SDK1: variants seen among roughly 807,000 people sequenced by gnomAD.
The protein encoded by SDK1 is sidekick cell adhesion molecule 1.
SDK1 carries 157 observed loss-of-function variants against 245.5 expected under a neutral mutation model. The ratio of observed to expected loss-of-function variants is 0.64; its 90% CI spans 0.56 to 0.73. The LOEUF (loss-of-function observed/expected upper bound fraction) is 0.73, where lower values mean the gene tolerates loss of function less well. Among genes scored for constraint, SDK1 ranks in the 30% least tolerant of loss-of-function variants. SDK1 has a pLI of 0.00. For missense variants in SDK1, 3,583 were observed against 3,002.3 expected (o/e 1.19, Z -4.52); for synonymous variants, 1,647 against 1,278.5 (o/e 1.29, Z -6.15).
At chr7:3,932,387 T>C (rs1179101152) in intron 5 of SDK1, among the ~76,000 whole-genome samples, 1 of 152,212 alleles carries the variant, frequency 6.6e-6, no homozygotes, top group African/African-American at 2.4e-5. Context: ...GATGAGATTG[T>C]GTTGACATTT....
intron 1 of SDK1, among the ~76,000 whole-genome samples, chr7:3,510,968 A>G (rs117853196): frequency 0.014 from 2,192 of 152,350 alleles, 28 homozygotes; most frequent in South Asian, 0.034. Context: ...ATGAGATCAA[A>G]CAGCAAAGAA....
rs1029863887 is a variant in SDK1 at position 3,744,233 on chromosome 7, C to T, written c.714-77217C>T. 8.6e-5 allele frequency among the ~76,000 whole-genome samples: 13 copies of T among 151,886 alleles called. 1 individual carries two copies. The highest frequency in any genetic ancestry group is 8.5e-4 in the Admixed American group (13 of 15,256). The stretch of plus-strand genomic sequence containing the variant: ...AAAGGTCCTCTTCATCCAAAATAGC[C>T]CCCCTCCCCCCATCTCTCCAATTAC... On this transcript the variant is annotated intron_variant, in intron 4 of 44. Coordinates refer to ENST00000404826, the MANE Select transcript of SDK1 (RefSeq NM_152744.4).
chr7:4,229,967 C>T, intron 40 of SDK1, among the ~76,000 whole-genome samples: 1 of 143,774 alleles, frequency 7.0e-6, no homozygotes, highest in Non-Finnish European at 1.5e-5. Flanking sequence ...GGGGGTGGGA[C>T]AGATGGGTGG....
chr7:4,215,072 G>A (rs1042257830), intron 38 of SDK1, among the ~76,000 whole-genome samples: 5 of 152,120 alleles, frequency 3.3e-5, no homozygotes, highest in African/African-American at 9.7e-5. Context: ...CCTGGCGCTC[G>A]CCTGCCTCCC....
At chr7:3,491,497 A>G (rs1027199702) in intron 1 of SDK1, among the ~76,000 whole-genome samples, 1 of 152,254 alleles carries the variant, frequency 6.6e-6, no homozygotes, top group Non-Finnish European at 1.5e-5. Context: ...AATTGCCTAT[A>G]AAATGAATTA....
chr7:4,126,734 C>T (rs796136873), intron 25 of SDK1, among the ~76,000 whole-genome samples: 11 of 152,278 alleles, frequency 7.2e-5, no homozygotes, highest in East Asian at 1.9e-4. Context: ...GTGTATGGGT[C>T]GAGAATGGCA....
At chr7:4,069,494 G>A (rs537095169) in intron 20 of SDK1, among the ~76,000 whole-genome samples, 3 of 152,350 alleles carry the variant, frequency 2.0e-5, no homozygotes, top group South Asian at 4.1e-4. Flanking sequence ...CCGTCCTGAC[G>A]CGAGCGGTCA....
Position 4,078,679 on chromosome 7 carries a change from A to G in SDK1, c.3203-784A>G, listed in dbSNP as rs191586665. ...CTAGAGTATTTTGCATGGCACAGTA[A>G]CACGAAAGCTCTCGTTTTGAACTCA... On this transcript the variant is annotated intron_variant, in intron 21 of 44. Coordinates refer to ENST00000404826, the MANE Select transcript of SDK1 (RefSeq NM_152744.4). 5.0e-4 allele frequency among the ~76,000 whole-genome samples: 76 copies of G among 152,230 alleles called. 2 individuals carry two copies. The East Asian group carries it at 0.011, about 22-fold the overall frequency.
chr7:3,414,104 T>C (rs1779293000), intron 1 of SDK1, among the ~76,000 whole-genome samples: 1 of 152,110 alleles, frequency 6.6e-6, no homozygotes, highest in Admixed American at 6.5e-5. Context: ...TTGGAAGACA[T>C]ATTTTTGCAG....
intron 5 of SDK1, among the ~76,000 whole-genome samples, chr7:3,827,964 C>T (rs1779817701): frequency 1.3e-5 from 2 of 152,192 alleles, no homozygotes; most frequent in Admixed American, 6.5e-5. Flanking sequence ...GAACAAAGCA[C>T]GTCTGTCCTA....
chr7:3,912,779 C>G (rs188814560), intron 5 of SDK1, among the ~76,000 whole-genome samples: 1 of 152,320 alleles, frequency 6.6e-6, no homozygotes, highest in Admixed American at 6.5e-5. Context: ...AGGAAGGAGA[C>G]CTAAGGGACT....
chr7:3,382,761 C>A (rs1456179394), intron 1 of SDK1, among the ~76,000 whole-genome samples: 4 of 152,152 alleles, frequency 2.6e-5, no homozygotes, highest in Non-Finnish European at 5.9e-5. Context: ...CATTACACAT[C>A]TAGTGTCTCA....
At chr7:3,831,390 A>G (rs1180697138) in intron 5 of SDK1, among the ~76,000 whole-genome samples, 1 of 152,164 alleles carries the variant, frequency 6.6e-6, no homozygotes, top group Non-Finnish European at 1.5e-5. Flanking sequence ...CAGTATTCTG[A>G]AGCTGCTAAT....
chr7:4,135,440 A>G (rs567753353), intron 28 of SDK1, among the ~76,000 whole-genome samples: 41 of 152,350 alleles, frequency 2.7e-4, no homozygotes, highest in Non-Finnish European at 5.6e-4. Context: ...GGAGAAACGT[A>G]CAAGGATGTT....
At chr7:3,636,084 A>G (rs1782450452) in intron 2 of SDK1, among the ~76,000 whole-genome samples, 1 of 152,242 alleles carries the variant, frequency 6.6e-6, no homozygotes, top group African/African-American at 2.4e-5. Flanking sequence ...AAAAAGCTGT[A>G]CATATCTAAT....
chr7:3,785,509 T>C lies in SDK1; in HGVS notation c.714-35941T>C, dbSNP rs540809124. On this transcript the variant is annotated intron_variant, in intron 4 of 44. Transcript: ENST00000404826. Reference sequence around the variant, plus strand: ...CAATTAAAAAGTATTTTCAAAGATTTTAAAAAGTGGAGGCTGGACTGCTTA... The same window carrying C: ...CAATTAAAAAGTATTTTCAAAGATTCTAAAAAGTGGAGGCTGGACTGCTTA... Among the ~76,000 whole-genome samples the C allele has an allele frequency of 8.5e-5, 13 of 152,268 alleles. No homozygotes were observed. In the South Asian group the frequency reaches 2.5e-3, roughly 29 times the overall value.
intron 28 of SDK1, among the ~76,000 whole-genome samples, chr7:4,133,399 G>C (rs1378689962): frequency 1.3e-5 from 2 of 152,224 alleles, no homozygotes; most frequent in African/African-American, 2.4e-5. Context: ...TGAATGAGGT[G>C]TGCCTGTCCT....
chr7:3,787,208 T>A (rs990252387), intron 4 of SDK1, among the ~76,000 whole-genome samples: 1 of 151,362 alleles, frequency 6.6e-6, no homozygotes, highest in Admixed American at 6.6e-5. Flanking sequence ...AAAACTTTTC[T>A]CAGTGGACTA....
intron 1 of SDK1, among the ~76,000 whole-genome samples, chr7:3,549,167 A>G (rs536357709): frequency 3.3e-4 from 51 of 152,344 alleles, no homozygotes; most frequent in African/African-American, 1.2e-3. Flanking sequence ...GTTATCTTTC[A>G]TGCAAACAGT....
Sources: allele counts gnomAD v4.1 joint callset (sites outside exome capture counted in the v4.1 genomes callset), GRCh38; gene constraint gnomAD v4.1.1; transcripts MANE v1.5; gene names NCBI Gene and HGNC (gene_info 2026-07-23, HGNC 2026-07-21).